The following SUSD4 variants were observed in gnomAD, a reference collection of about 807,000 sequenced individuals.
SUSD4 encodes sushi domain-containing protein 4.
SUSD4 carries 41 observed loss-of-function variants against 50.5 expected under a neutral mutation model. The observed-to-expected ratio is 0.81, with a 90% CI of 0.63 to 1.05. The LOEUF (loss-of-function observed/expected upper bound fraction) is 1.05, where lower values mean the gene tolerates loss of function less well. Ranked by LOEUF, SUSD4 falls within the 50% of genes least tolerant of loss-of-function variation. SUSD4 has a pLI of 0.00. For missense variants in SUSD4, 580 were observed against 634.7 expected (o/e 0.91, Z 0.93); for synonymous variants, 257 against 257.3 (o/e 1.00, Z 0.01).
At chr1:223,292,384 TG>T in intron 3 of SUSD4, 54 bp downstream of exon 3, 1 of 1,595,106 alleles carries the variant, frequency 6.3e-7, no homozygotes, top group South Asian at 1.1e-5. Flanking sequence ...TGCACCCCTG[TG>T]GCCATGCAAC....
chr1:223,345,640 G>A (rs555707782), intron 2 of SUSD4, among the ~76,000 whole-genome samples: 37 of 152,318 alleles, frequency 2.4e-4, no homozygotes, highest in South Asian at 6.2e-4. Flanking sequence ...TAACGCCGAC[G>A]TCCGGCTTTC....
intron 1 of SUSD4, chr1:223,363,702 G>A: frequency 2.3e-6 from 1 of 426,256 alleles, no homozygotes. Flanking sequence ...AGGAGGGAGG[G>A]CAGGGGTTAG....
Position 223,277,836 on chromosome 1 carries a change from T to C in SUSD4, c.362-9161A>G, listed in dbSNP as rs76171362. On this transcript the variant is annotated intron_variant, in intron 3 of 8. Coordinates refer to ENST00000366878, the MANE Select transcript of SUSD4 (RefSeq NM_017982.4). ...TTTCTGATTCTAAGAATTAAACATC[T>C]CTAAGGATCTTTGTCGAACACTAGA... is the stretch of plus-strand genomic sequence containing the variant. Among the ~76,000 whole-genome samples, 835 of 152,316 alleles carry C rather than the reference T, an allele frequency of 5.5e-3. 45 individuals are homozygous for C. The East Asian group carries it at 0.12, about 21-fold the overall frequency.
Position 223,363,376 on chromosome 1 carries a change from T to G in SUSD4, c.50A>C (p.Gln17Pro). ...PSNGDGFLEQ[Q>P]QQQQQPQSPQ... The stretch of plus-strand genomic sequence containing the variant: ...GGACTGAGGTTGCTGCTGCTGCTGC[T>G]GCTGCTCTAGAAATCCATCTCCATT... Residue 17 changes from glutamine to proline, a missense_variant, in exon 2 of 9, where the codon CAG (glutamine) becomes CCG (proline). Transcript: ENST00000366878. 6.3e-7 allele frequency: 1 copy of G among 1,594,324 alleles called. No homozygotes were observed. The highest frequency in any genetic ancestry group is 1.7e-4 in the Middle Eastern group (1 of 6,040).
In SUSD4 at chr1:223,227,997, C is replaced by T. The variant is rs569954871; in HGVS notation, c.917-259G>A. On this transcript the variant is annotated intron_variant, in intron 6 of 8. Coordinates refer to ENST00000366878, the MANE Select transcript of SUSD4 (RefSeq NM_017982.4). The surrounding 1 kb of genome is among the most constrained non-coding windows in gnomAD (Gnocchi z 4.5). Reference sequence around the variant, plus strand: ...TGCATGCTCACATTCCAGTCCCAGGCGCAGGCCTGGCACAGGCTTAAATAA... The same window carrying T: ...TGCATGCTCACATTCCAGTCCCAGGTGCAGGCCTGGCACAGGCTTAAATAA... Among the ~76,000 whole-genome samples the T allele has an allele frequency of 3.3e-5, 5 of 152,210 alleles. No homozygotes were observed. The highest frequency in any genetic ancestry group is 4.8e-5 in the African/African-American group (2 of 41,464).
At chr1:223,346,550 G>A (rs1024198826) in intron 2 of SUSD4, among the ~76,000 whole-genome samples, 1 of 152,120 alleles carries the variant, frequency 6.6e-6, no homozygotes, top group African/African-American at 2.4e-5. Flanking sequence ...GGCAAGGAGA[G>A]ATGAATACCT....
intron 2 of SUSD4, among the ~76,000 whole-genome samples, chr1:223,356,777 C>T (rs1668691381): frequency 6.6e-6 from 1 of 151,936 alleles, no homozygotes; most frequent in Admixed American, 6.5e-5. Flanking sequence ...TCACTGAGGA[C>T]GTCTCTTGAA....
intron 2 of SUSD4, among the ~76,000 whole-genome samples, chr1:223,312,678 C>T (rs1665948294): frequency 6.6e-6 from 1 of 152,184 alleles, no homozygotes. Flanking sequence ...GATTGTTAAA[C>T]TGAGGCCCAA....
chr1:223,298,467 C>T (rs1392520378), intron 2 of SUSD4, among the ~76,000 whole-genome samples: 1 of 152,182 alleles, frequency 6.6e-6, no homozygotes, highest in Non-Finnish European at 1.5e-5. Flanking sequence ...CCCTCTTCCT[C>T]CCTCTCCAGT....
At chr1:223,293,711 T>C (rs557412414) in intron 2 of SUSD4, among the ~76,000 whole-genome samples, 2 of 152,220 alleles carry the variant, frequency 1.3e-5, no homozygotes, top group South Asian at 2.1e-4. Context: ...GGAGGAGACC[T>C]AAGAAATTTT....
intron 2 of SUSD4, among the ~76,000 whole-genome samples, chr1:223,313,851 G>A (rs895727509): frequency 3.9e-5 from 6 of 152,004 alleles, no homozygotes; most frequent in Admixed American, 6.6e-5. Context: ...CCAGCACCAC[G>A]GCAGCTTACA....
Position 223,263,656 on chromosome 1 carries a change from A to AC in SUSD4, c.724+973dup, listed in dbSNP as rs1446975839. ...CAAAGAGATTCCATGGCTCCAGCCA[A>AC]CCCCACTCCACATCCCTAGAGAGGC... On this transcript the variant is annotated intron_variant, in intron 5 of 8. Coordinates refer to ENST00000366878, the MANE Select transcript of SUSD4 (RefSeq NM_017982.4). The AC allele has an allele frequency of 5.1e-6, 5 of 985,108 alleles. No individual in the cohort carries two copies. The African/African-American group carries it at 8.7e-5, about 17-fold the overall frequency. 61.0% of individuals were successfully genotyped at this position (985,108 alleles called of 1,614,324 possible).
intron 2 of SUSD4, 136 bp downstream of exon 2, chr1:223,363,142 C>G (rs574357752): frequency 9.0e-7 from 1 of 1,111,154 alleles, no homozygotes; most frequent in Admixed American, 3.4e-5. Flanking sequence ...TAGGCTGGGA[C>G]GCAGGCACCC....
At chr1:223,338,419 A>C (rs1667573327) in intron 2 of SUSD4, among the ~76,000 whole-genome samples, 1 of 152,230 alleles carries the variant, frequency 6.6e-6, no homozygotes, top group African/African-American at 2.4e-5. Flanking sequence ...AGACTGAGGC[A>C]GGAGAGAGGC....
intron 5 of SUSD4, among the ~76,000 whole-genome samples, chr1:223,250,617 G>A (rs1661238113): frequency 6.6e-6 from 1 of 152,166 alleles, no homozygotes; most frequent in Admixed American, 6.5e-5. Context: ...AGGGAGCATA[G>A]TGCCTCCCAA....
intron 2 of SUSD4, among the ~76,000 whole-genome samples, chr1:223,337,338 G>A (rs2103289101): frequency 6.6e-6 from 1 of 152,304 alleles, no homozygotes; most frequent in Admixed American, 6.5e-5. Context: ...ACCTTACAGA[G>A]CTCAAATGTT....
chr1:223,264,939 C>T (rs911361297), intron 4 of SUSD4, 121 bp from the exon 5 acceptor site: 10 of 995,768 alleles, frequency 1.0e-5, no homozygotes, highest in South Asian at 8.8e-5. Flanking sequence ...AATGGCACCA[C>T]CTCTGAAGAA....
At chr1:223,259,686 C>T (rs747259372) in intron 5 of SUSD4, among the ~76,000 whole-genome samples, 6 of 152,348 alleles carry the variant, frequency 3.9e-5, no homozygotes, top group Middle Eastern at 3.4e-3. Flanking sequence ...TAACCAGCAG[C>T]TCTCACAGCC....
chr1:223,311,585 T>C (rs1052137066), intron 2 of SUSD4, among the ~76,000 whole-genome samples: 13 of 152,218 alleles, frequency 8.5e-5, no homozygotes, highest in African/African-American at 2.9e-4. Context: ...AGATGGTGTT[T>C]GTGAATAGCC....
Sources: gnomAD v4.1 joint callset for allele counts (sites outside exome capture counted in the v4.1 genomes callset) on GRCh38, gnomAD v4.1.1 for gene constraint, Gnocchi (gnomAD v3.1) non-coding constraint, MANE v1.5 for transcripts, NCBI Gene and HGNC (gene_info 2026-07-23, HGNC 2026-07-21) for gene names.